The following MYO5B variants were observed in gnomAD, a reference collection of about 807,000 sequenced individuals.
MYO5B encodes unconventional myosin-Vb.
In MYO5B, 143 loss-of-function variants were observed where a neutral mutation model predicts 229.3. The ratio of observed to expected loss-of-function variants is 0.62; its 90% CI spans 0.54 to 0.72. The LOEUF (loss-of-function observed/expected upper bound fraction) is 0.72, where lower values mean the gene tolerates loss of function less well. Among genes scored for constraint, MYO5B ranks in the 30% least tolerant of loss-of-function variants. MYO5B has a pLI of 0.00. For missense variants in MYO5B, 2,321 were observed against 2,331.0 expected, an observed-to-expected ratio of 1.00 and a Z score of 0.09; for synonymous variants, 918 against 885.2, an observed-to-expected ratio of 1.04 and a Z score of -0.66.
At chr18:49,873,509 C>T (rs552440362) in intron 26 of MYO5B, among the ~76,000 whole-genome samples, 145 of 152,338 alleles carry the variant, frequency 9.5e-4, no homozygotes, top group African/African-American at 3.4e-3. Context: ...GGGCTTAAAA[C>T]CCCTCCAAGG....
intron 14 of MYO5B, among the ~76,000 whole-genome samples, chr18:49,951,247 G>T (rs2025428118): frequency 6.6e-6 from 1 of 152,130 alleles, no homozygotes; most frequent in South Asian, 2.1e-4. Flanking sequence ...TTTACTTTTT[G>T]CTGTAACAAA....
intron 4 of MYO5B, among the ~76,000 whole-genome samples, chr18:50,007,555 G>A (rs2026116086): frequency 6.6e-6 from 1 of 152,174 alleles, no homozygotes; most frequent in Non-Finnish European, 1.5e-5. Context: ...CATCTACTGT[G>A]TTCAAGGCCC....
chr18:49,844,107 G>A (rs565726451), intron 33 of MYO5B, among the ~76,000 whole-genome samples: 1 of 152,232 alleles, frequency 6.6e-6, no homozygotes, highest in East Asian at 1.9e-4. Context: ...TGCTCTGGCT[G>A]GACTGGAAGG....
chr18:50,183,583 C>A (rs1599085538), intron 1 of MYO5B, among the ~76,000 whole-genome samples: 4 of 151,594 alleles, frequency 2.6e-5, no homozygotes, highest in East Asian at 3.9e-4. Context: ...AGAGATGGAG[C>A]CAGGAAAAGT....
rs1032254816 is a variant in MYO5B, at chr18:49,834,918, G to A, written c.5394+426C>T. Among the ~76,000 whole-genome samples, 3 of 152,200 alleles carry A rather than the reference G, an allele frequency of 2.0e-5. No individual in the cohort carries two copies. The East Asian group carries it at 5.8e-4, about 29-fold the overall frequency. Reference sequence around the variant, plus strand: ...CTCCCAAAGTGCTGGGATTACAGGAGTGAGCCACCGCACCTGGCCTATATT... The same window carrying A: ...CTCCCAAAGTGCTGGGATTACAGGAATGAGCCACCGCACCTGGCCTATATT... On this transcript the variant is annotated intron_variant, in intron 39 of 39. Transcript: ENST00000285039.
At chr18:50,140,907 A>G (rs1322574743) in intron 1 of MYO5B, among the ~76,000 whole-genome samples, 1 of 152,250 alleles carries the variant, frequency 6.6e-6, no homozygotes, top group Non-Finnish European at 1.5e-5. Flanking sequence ...TGCATAGGAC[A>G]GAGACCAGGA....
intron 4 of MYO5B, among the ~76,000 whole-genome samples, chr18:50,002,858 C>A (rs2026063002): frequency 6.6e-6 from 1 of 152,178 alleles, no homozygotes; most frequent in Non-Finnish European, 1.5e-5. Flanking sequence ...GCCCTCTTTA[C>A]ACCAGCTCCC....
intron 1 of MYO5B, among the ~76,000 whole-genome samples, chr18:50,085,171 A>T (rs553597624): frequency 6.6e-6 from 1 of 152,354 alleles, no homozygotes; most frequent in Admixed American, 6.5e-5. Flanking sequence ...CTTATCTGAC[A>T]AAGGGCTAAT....
intron 1 of MYO5B, among the ~76,000 whole-genome samples, chr18:50,131,404 C>G (rs1048589808): frequency 1.3e-5 from 2 of 152,138 alleles, no homozygotes; most frequent in Admixed American, 1.3e-4. Flanking sequence ...AAATCCCTAT[C>G]AAAAATGGCC....
chr18:50,082,533 T>G (rs867413254), intron 1 of MYO5B, among the ~76,000 whole-genome samples: 1 of 152,234 alleles, frequency 6.6e-6, no homozygotes, highest in African/African-American at 2.4e-5. Context: ...AAGCAAAGGC[T>G]ATCTGCGGAT....
intron 14 of MYO5B, among the ~76,000 whole-genome samples, chr18:49,939,376 C>T (rs188223753): frequency 4.7e-4 from 72 of 152,138 alleles, no homozygotes; most frequent in African/African-American, 1.7e-3. Flanking sequence ...GATCTCTTGA[C>T]CTCGTGATCC....
intron 4 of MYO5B, among the ~76,000 whole-genome samples, chr18:50,003,693 G>C (rs2026071217): frequency 6.6e-6 from 1 of 152,194 alleles, no homozygotes; most frequent in African/African-American, 2.4e-5. Context: ...CTGCAATAAG[G>C]AGAACTAGAT....
intron 16 of MYO5B, among the ~76,000 whole-genome samples, chr18:49,930,502 G>C (rs1406895391): frequency 2.0e-5 from 3 of 152,150 alleles, no homozygotes. Context: ...CGCTTGAAGA[G>C]GAAATTTTAT....
chr18:50,136,788 G>T (rs940972936), intron 1 of MYO5B, among the ~76,000 whole-genome samples: 1 of 152,122 alleles, frequency 6.6e-6, no homozygotes, highest in Non-Finnish European at 1.5e-5. Flanking sequence ...TACACTTGGA[G>T]AATTATAGCA....
intron 4 of MYO5B, among the ~76,000 whole-genome samples, chr18:50,009,572 T>G (rs1465153109): frequency 1.3e-5 from 2 of 151,998 alleles, no homozygotes. Context: ...CGAAAGGTTA[T>G]GTGGGGAGAG....
intron 21 of MYO5B, among the ~76,000 whole-genome samples, chr18:49,897,909 C>A (rs1485888274): frequency 6.6e-6 from 1 of 152,200 alleles, no homozygotes; most frequent in Non-Finnish European, 1.5e-5. Context: ...ATCTTCCAGG[C>A]CTGCAAGCCC....
chr18:49,838,710 G>A (rs982058016), intron 36 of MYO5B, among the ~76,000 whole-genome samples: 2 of 152,166 alleles, frequency 1.3e-5, no homozygotes, highest in Non-Finnish European at 2.9e-5. Context: ...CAAGTACACT[G>A]CTTGGTTCAA....
At chr18:49,939,207 G>A (rs1233730757) in intron 14 of MYO5B, among the ~76,000 whole-genome samples, 3 of 144,096 alleles carry the variant, frequency 2.1e-5, no homozygotes, top group East Asian at 4.1e-4. Flanking sequence ...GTGCAGTGGC[G>A]CAATCTCAAC....
intron 18 of MYO5B, among the ~76,000 whole-genome samples, chr18:49,907,755 G>A (rs1412178517): frequency 1.3e-5 from 2 of 152,298 alleles, no homozygotes; most frequent in African/African-American, 4.8e-5. Flanking sequence ...AGCTAAGGCT[G>A]AGCTTGCAGC....
Sources: allele counts gnomAD v4.1 joint callset (sites outside exome capture counted in the v4.1 genomes callset), GRCh38; gene constraint gnomAD v4.1.1; transcripts MANE v1.5; gene names NCBI Gene and HGNC (gene_info 2026-07-23, HGNC 2026-07-21).